SLC6A6: variants seen among roughly 807,000 people sequenced by gnomAD.
The protein encoded by SLC6A6 is solute carrier family 6 member 6.
SLC6A6 carries 16 observed loss-of-function variants against 68.8 expected under a neutral mutation model. The ratio of observed to expected loss-of-function variants is 0.23; its 90% CI spans 0.16 to 0.35. SLC6A6 has a LOEUF of 0.35. SLC6A6 is among the 10% of genes least tolerant of loss of function. The pLI is 1.00. For missense variants in SLC6A6, 474 were observed against 802.8 expected (o/e 0.59, Z 4.95); for synonymous variants, 312 against 315.4 (o/e 0.99, Z 0.12).
Position 14,468,345 on chromosome 3 carries a change from C to T in SLC6A6, c.1096+133C>T, listed in dbSNP as rs1028889772. 5.0e-5 allele frequency: 36 copies of T among 719,556 alleles called. No individual in the cohort carries two copies. In the South Asian group the frequency reaches 5.1e-4, roughly 10 times the overall value. 44.6% of individuals were successfully genotyped at this position (719,556 alleles called of 1,614,324 possible). Reference sequence around the variant, plus strand: ...TGGTTTCTAAAATGGACCCCCCCCCCGCCACCAAGATATCCCCCAAATTTC... The same window carrying T: ...TGGTTTCTAAAATGGACCCCCCCCCTGCCACCAAGATATCCCCCAAATTTC... On this transcript the variant is annotated intron_variant, in intron 9 of 14. Transcript: ENST00000622186. The surrounding 1 kb of genome is among the most constrained non-coding windows in gnomAD (Gnocchi z 4.5).
intron 2 of SLC6A6, among the ~76,000 whole-genome samples, chr3:14,420,266 C>G (rs962919763): frequency 6.6e-6 from 1 of 152,204 alleles, no homozygotes; most frequent in African/African-American, 2.4e-5. Flanking sequence ...AACCCCATCT[C>G]TACTAAAAAT....
intron 5 of SLC6A6, 121 bp from the exon 6 acceptor site, chr3:14,457,829 C>A: frequency 1.2e-6 from 1 of 854,660 alleles, no homozygotes; most frequent in Non-Finnish European, 1.9e-6. Context: ...GGTGAGGTGA[C>A]TTATGTAAAT....
At chr3:14,409,321 C>A (rs1029490889) in intron 1 of SLC6A6, among the ~76,000 whole-genome samples, 2 of 152,220 alleles carry the variant, frequency 1.3e-5, no homozygotes, top group African/African-American at 4.8e-5. Context: ...ATACCCCCAC[C>A]CAGGACTTGC....
At position 14,472,860 on chromosome 3, in the gene SLC6A6, C is replaced by T. The variant is rs914400337; in HGVS notation, c.1209+543C>T. 5.3e-5 allele frequency among the ~76,000 whole-genome samples: 8 copies of T among 152,208 alleles called. No individual in the cohort carries two copies. The highest frequency in any genetic ancestry group is 2.9e-5 in the Non-Finnish European group (2 of 68,034). On this transcript the variant is annotated intron_variant, in intron 10 of 14. Transcript: ENST00000622186. This position sits in a 1 kb window ranked among gnomAD's most constrained non-coding sequence, Gnocchi z 4.5. ...AGGATTCTGTGCTCCCTGGAGCGTGCGAGGGGCTGGGCATTGGCTCCCTCC... is the reference window on the plus strand; with the variant it reads ...AGGATTCTGTGCTCCCTGGAGCGTGTGAGGGGCTGGGCATTGGCTCCCTCC...
chr3:14,466,972 T>C (rs1478838253), intron 7 of SLC6A6, among the ~76,000 whole-genome samples: 1 of 152,214 alleles, frequency 6.6e-6, no homozygotes. Context: ...CGGACCCAGC[T>C]TCTGCCCACT....
At chr3:14,409,541 C>T (rs893998245) in intron 1 of SLC6A6, among the ~76,000 whole-genome samples, 7 of 152,270 alleles carry the variant, frequency 4.6e-5, no homozygotes, top group African/African-American at 7.2e-5. Flanking sequence ...AGCCCATCCT[C>T]GTCCCACTGA....
chr3:14,410,449 C>A (rs1455908678), intron 1 of SLC6A6, among the ~76,000 whole-genome samples: 2 of 152,176 alleles, frequency 1.3e-5, no homozygotes. Context: ...GGAGACACCC[C>A]CAGAGCCCAG....
At position 14,456,124 on chromosome 3, in the gene SLC6A6, A is replaced by G. The variant is rs117092911; in HGVS notation, c.600-1826A>G. ...GACCCACCAAGCCTTCATTTTCCCT[A>G]TCTGTAAAATGGGGTGAATGGCCTC... On this transcript the variant is annotated intron_variant, in intron 5 of 14. Transcript: ENST00000622186. 3.9e-5 allele frequency among the ~76,000 whole-genome samples: 6 copies of G among 152,206 alleles called. No individual in the cohort carries two copies. The East Asian group carries it at 7.7e-4, about 20-fold the overall frequency.
chr3:14,447,897 G>C, intron 5 of SLC6A6, 81 bp downstream of exon 5: 1 of 1,563,206 alleles, frequency 6.4e-7, no homozygotes, highest in East Asian at 2.3e-5. Context: ...CCTCCCCTGG[G>C]ATACAGGAGC....
chr3:14,414,469 C>T (rs867800968), intron 1 of SLC6A6, among the ~76,000 whole-genome samples: 2 of 152,090 alleles, frequency 1.3e-5, no homozygotes, highest in South Asian at 2.1e-4. Flanking sequence ...TAAGCTGTCC[C>T]CAGAAGGGGC....
intron 2 of SLC6A6, among the ~76,000 whole-genome samples, chr3:14,428,811 G>A (rs1699658560): frequency 6.6e-6 from 1 of 152,204 alleles, no homozygotes; most frequent in Non-Finnish European, 1.5e-5. Context: ...TGGGGAGGTG[G>A]TGTTTAAGGG....
chr3:14,433,421 A>G (rs577480168), intron 2 of SLC6A6, among the ~76,000 whole-genome samples: 1 of 152,270 alleles, frequency 6.6e-6, no homozygotes, highest in Non-Finnish European at 1.5e-5. Context: ...AGGGGAAGAC[A>G]TTCTGGCCAC....
rs77967080 is a variant in SLC6A6 at position 14,433,678 on chromosome 3, C to T, written c.-11-9946C>T. 5.3e-5 allele frequency among the ~76,000 whole-genome samples: 8 copies of T among 151,702 alleles called. No individual in the cohort carries two copies. The East Asian group carries it at 1.6e-3, about 29-fold the overall frequency. On this transcript the variant is annotated intron_variant, in intron 2 of 14. Transcript: ENST00000622186. The stretch of plus-strand genomic sequence containing the variant: ...AATTAGCTGGGCGTGGTGGCAGGCA[C>T]CTGTAATCCCAGCTATTCAGGAGGC...
Position 14,414,111 on chromosome 3 carries a change from G to A in SLC6A6, c.-53-2301G>A, listed in dbSNP as rs533426884. Among the ~76,000 whole-genome samples, 14 of 152,238 alleles carry A rather than the reference G, an allele frequency of 9.2e-5. No homozygotes were observed. In the South Asian group the frequency reaches 1.4e-3, roughly 16 times the overall value. On this transcript the variant is annotated intron_variant, in intron 1 of 14. Transcript: ENST00000622186. ...AGTCCAGGTGCTGAAAGATGTCATCGGGACTCAGTTTCCTTCTCTCTGTCT... is the reference window on the plus strand; with the variant it reads ...AGTCCAGGTGCTGAAAGATGTCATCAGGACTCAGTTTCCTTCTCTCTGTCT...
chr3:14,448,889 A>G (rs1247696665), intron 5 of SLC6A6, among the ~76,000 whole-genome samples: 5 of 152,276 alleles, frequency 3.3e-5, no homozygotes, highest in African/African-American at 1.2e-4. Context: ...CTTGGGGCTC[A>G]GCACTCAAGT....
At chr3:14,432,690 C>T (rs1284948469) in intron 2 of SLC6A6, 1 of 152,482 alleles carries the variant, frequency 6.6e-6, no homozygotes, top group African/African-American at 2.4e-5. Flanking sequence ...GTGCGCGACT[C>T]CCCAGGTCAG....
chr3:14,467,234 C>T (rs936976719), intron 7 of SLC6A6, among the ~76,000 whole-genome samples: 7 of 152,216 alleles, frequency 4.6e-5, no homozygotes, highest in African/African-American at 1.7e-4. Context: ...CCTGTGCTCT[C>T]CTTCCCCACC....
intron 1 of SLC6A6, among the ~76,000 whole-genome samples, chr3:14,403,235 G>A (rs1303295128): frequency 6.6e-6 from 1 of 152,124 alleles, no homozygotes; most frequent in Non-Finnish European, 1.5e-5. Flanking sequence ...GTGCACATGT[G>A]TGTTCCGGTG....
chr3:14,472,406 A>T lies in SLC6A6; in HGVS notation c.1209+89A>T. ...CCTTATTCCACCTGGGAGGTGGTCAACCCCCTTCCCCCCTCCAGTCAGACT... is the reference window on the plus strand; with the variant it reads ...CCTTATTCCACCTGGGAGGTGGTCATCCCCCTTCCCCCCTCCAGTCAGACT... On this transcript the variant is annotated intron_variant, in intron 10 of 14. Transcript: ENST00000622186. This position sits in a 1 kb window ranked among gnomAD's most constrained non-coding sequence, Gnocchi z 4.5. The T allele has an allele frequency of 1.3e-6, 1 of 795,366 alleles. No individual in the cohort carries two copies. Among genetic ancestry groups the T allele is most frequent in the Non-Finnish European group, 2.2e-6 (1 of 458,150 alleles). 49.3% of individuals were successfully genotyped at this position (795,366 alleles called of 1,614,324 possible). A position where few individuals can be genotyped will look rare whatever the true frequency, so the allele number is the denominator to read the frequency against.
Sources: gnomAD v4.1 joint callset for allele counts (sites outside exome capture counted in the v4.1 genomes callset) on GRCh38, gnomAD v4.1.1 for gene constraint, Gnocchi (gnomAD v3.1) non-coding constraint, MANE v1.5 for transcripts, NCBI Gene and HGNC (gene_info 2026-07-23, HGNC 2026-07-21) for gene names.